Variants in LRIG1 observed in about 807,000 individuals in gnomAD.
The protein encoded by LRIG1 is leucine-rich repeats and immunoglobulin-like domains protein 1.
A neutral mutation model predicts 99.2 loss-of-function variants in LRIG1; 48 were observed. That is an observed-to-expected ratio of 0.48 (90% CI 0.38 to 0.62). The LOEUF (loss-of-function observed/expected upper bound fraction) is 0.62. LRIG1 is among the 20% of genes least tolerant of loss of function. The pLI is 0.00. For synonymous variants in LRIG1, 772 were observed against 596.1 expected (o/e 1.29, Z -4.30); for missense variants, 1,646 against 1,434.4 (o/e 1.15, Z -2.38).
intron 6 of LRIG1, among the ~76,000 whole-genome samples, chr3:66,412,195 G>C (rs1395346938): frequency 1.3e-5 from 2 of 152,160 alleles, no homozygotes; most frequent in African/African-American, 4.8e-5. Context: ...CCAGTGTCTT[G>C]ATTAGCTCAC....
chr3:66,462,456 A>C lies in LRIG1; in HGVS notation c.272T>G (p.Leu91Trp). The C allele has an allele frequency of 6.2e-7, 1 of 1,612,708 alleles. No homozygotes were observed. The highest frequency in any genetic ancestry group is 8.5e-7 in the Non-Finnish European group (1 of 1,179,304). The stretch of plus-strand genomic sequence containing the variant: ...GACTCACACTTCCTGTAGGTTCGGC[A>C]AGTCCTCAAAACCAGCAGGGTCAAT... Reference protein sequence around the residue: ...SEIDPAGFEDLPNLQEVYLNN... With the variant: ...SEIDPAGFEDWPNLQEVYLNN... The change falls in exon 2 of 19, where the codon TTG becomes TGG. Residue 91 changes from leucine to tryptophan, a missense_variant. Transcript: ENST00000273261.
At chr3:66,448,706 G>C (rs1390737855) in intron 3 of LRIG1, among the ~76,000 whole-genome samples, 1 of 152,144 alleles carries the variant, frequency 6.6e-6, no homozygotes, top group Non-Finnish European at 1.5e-5. Flanking sequence ...CTGGGCTCCT[G>C]TCACTCACAT....
intron 1 of LRIG1, among the ~76,000 whole-genome samples, chr3:66,477,643 G>GC (rs1700752092): frequency 6.6e-6 from 1 of 152,116 alleles, no homozygotes; most frequent in South Asian, 2.1e-4. Flanking sequence ...AAAAAGGAGG[G>GC]CCCAATCCCC....
At chr3:66,478,732 G>C (rs1341485399) in intron 1 of LRIG1, among the ~76,000 whole-genome samples, 1 of 152,098 alleles carries the variant, frequency 6.6e-6, no homozygotes, top group African/African-American at 2.4e-5. Context: ...TCCACTGTAC[G>C]GGTCAGCTTT....
chr3:66,491,254 C>A (rs1328467163), intron 1 of LRIG1, among the ~76,000 whole-genome samples: 11 of 152,162 alleles, frequency 7.2e-5, no homozygotes, highest in Admixed American at 2.0e-4. Flanking sequence ...GCTAATTATC[C>A]CTCTACTAAA....
intron 6 of LRIG1, among the ~76,000 whole-genome samples, 165 bp from the exon 7 acceptor site, chr3:66,410,437 G>A (rs140468343): frequency 2.0e-5 from 3 of 152,364 alleles, no homozygotes; most frequent in East Asian, 3.9e-4. Flanking sequence ...ATGTGAGTAG[G>A]GGCTGGGAGA....
At chr3:66,456,705 G>A (rs923557756) in intron 2 of LRIG1, among the ~76,000 whole-genome samples, 1 of 152,034 alleles carries the variant, frequency 6.6e-6, no homozygotes, top group Non-Finnish European at 1.5e-5. Context: ...CACACCCACT[G>A]TGGGGAGCAG....
intron 7 of LRIG1, 53 bp from the exon 8 acceptor site, chr3:66,407,544 C>A: frequency 6.3e-7 from 1 of 1,598,156 alleles, no homozygotes; most frequent in Non-Finnish European, 8.6e-7. Context: ...GCCCCCCAAC[C>A]CCACCCCACC....
At chr3:66,437,281 G>C (rs1703392866) in intron 3 of LRIG1, among the ~76,000 whole-genome samples, 1 of 152,194 alleles carries the variant, frequency 6.6e-6, no homozygotes, top group South Asian at 2.1e-4. Context: ...TCTGTGGTAA[G>C]GTAAGAGCAA....
intron 1 of LRIG1, among the ~76,000 whole-genome samples, chr3:66,485,424 G>A (rs770969927): frequency 2.6e-5 from 4 of 152,100 alleles, no homozygotes; most frequent in African/African-American, 7.2e-5. Context: ...TCGGGTCAGC[G>A]TTAACACCAG....
chr3:66,408,167 T>C (rs1299826168), intron 7 of LRIG1, among the ~76,000 whole-genome samples: 2 of 152,192 alleles, frequency 1.3e-5, no homozygotes, highest in Non-Finnish European at 2.9e-5. Context: ...TTACGTGACA[T>C]ATTGGTCATC....
Position 66,380,186 on chromosome 3 carries a change from A to G in LRIG1, c.*77T>C. ...CTATGTACAGATGAGTGACGCTTGAACCCAAGCTTCCTCGCAGCCTCTCCT... is the reference window on the plus strand; with the variant it reads ...CTATGTACAGATGAGTGACGCTTGAGCCCAAGCTTCCTCGCAGCCTCTCCT... On this transcript the variant is annotated 3_prime_UTR_variant, in exon 19 of 19. Transcript: ENST00000273261. The G allele has an allele frequency of 2.4e-6, 3 of 1,239,492 alleles. No homozygotes were observed. The highest frequency in any genetic ancestry group is 1.4e-5 in the South Asian group (1 of 69,142). 76.8% of individuals were successfully genotyped at this position (1,239,492 alleles called of 1,614,324 possible).
At chr3:66,406,726 C>T (rs1183134074) in intron 8 of LRIG1, among the ~76,000 whole-genome samples, 1 of 152,180 alleles carries the variant, frequency 6.6e-6, no homozygotes, top group Non-Finnish European at 1.5e-5. Context: ...CCTGCAGCCA[C>T]TTTTGCCAAC....
At chr3:66,496,692 A>G (rs2106939858) in intron 1 of LRIG1, among the ~76,000 whole-genome samples, 1 of 152,330 alleles carries the variant, frequency 6.6e-6, no homozygotes, top group East Asian at 1.9e-4. Flanking sequence ...TTTAAGTGAT[A>G]TGGAGAAGGA....
intron 6 of LRIG1, among the ~76,000 whole-genome samples, chr3:66,412,493 T>C (rs1702499640): frequency 6.6e-6 from 1 of 152,176 alleles, no homozygotes; most frequent in Non-Finnish European, 1.5e-5. Flanking sequence ...TGGATTTCAG[T>C]GGATGTCCCA....
At position 66,380,257 on chromosome 3, in the gene LRIG1, C is replaced by G. The variant is rs760319481; in HGVS notation, c.*6G>C. 4 of 1,607,670 alleles carry G rather than the reference C, an allele frequency of 2.5e-6. No individual in the cohort carries two copies. Among genetic ancestry groups the G allele is most frequent in the South Asian group, 2.2e-5 (2 of 90,322 alleles). On this transcript the variant is annotated 3_prime_UTR_variant, in exon 19 of 19. Coordinates refer to ENST00000273261, the MANE Select transcript of LRIG1 (RefSeq NM_015541.3). ...TTGGTATGACAAGAACTGAGGTAGACAAAACCTAGCTTTTTGGTGCCAACA... is the reference window on the plus strand; with the variant it reads ...TTGGTATGACAAGAACTGAGGTAGAGAAAACCTAGCTTTTTGGTGCCAACA...
intron 6 of LRIG1, 116 bp downstream of exon 6, chr3:66,412,755 C>A: frequency 7.9e-7 from 1 of 1,261,718 alleles, no homozygotes; most frequent in Admixed American, 2.0e-5. Context: ...CGCACACACC[C>A]AACACACAGC....
chr3:66,416,983 G>A (rs1164092357), intron 4 of LRIG1, 146 bp downstream of exon 4: 9 of 1,034,294 alleles, frequency 8.7e-6, no homozygotes, highest in East Asian at 7.2e-5. Flanking sequence ...CTCAGGGAAG[G>A]TCTGAACCAT....
At chr3:66,479,170 A>G (rs1700791278) in intron 1 of LRIG1, among the ~76,000 whole-genome samples, 1 of 152,224 alleles carries the variant, frequency 6.6e-6, no homozygotes, top group Non-Finnish European at 1.5e-5. Flanking sequence ...ACTTCTGTCT[A>G]ATTTATAGCT....
Sources: allele counts gnomAD v4.1 joint callset (sites outside exome capture counted in the v4.1 genomes callset), GRCh38; gene constraint gnomAD v4.1.1; transcripts MANE v1.5; gene names NCBI Gene and HGNC (gene_info 2026-07-23, HGNC 2026-07-21).